TPO: variants seen among roughly 807,000 people sequenced by gnomAD.
TPO encodes the protein thyroid peroxidase.
Under a neutral mutation model 96.9 loss-of-function variants are expected in TPO, and 78 were observed. The ratio of observed to expected loss-of-function variants is 0.81; its 90% CI spans 0.67 to 0.97. TPO has a LOEUF of 0.97. Among genes scored for constraint, TPO ranks in the 50% least tolerant of loss-of-function variants. The probability of loss-of-function intolerance (pLI) is 0.00; values close to 1 mark genes in which losing one functional copy is unlikely to be tolerated. For missense variants in TPO, 1,252 were observed against 1,274.8 expected (o/e 0.98, Z 0.27); for synonymous variants, 547 against 538.0 (o/e 1.02, Z -0.23).
chr2:1,404,536 T>A (rs1477145568), intron 1 of TPO, among the ~76,000 whole-genome samples: 5 of 152,182 alleles, frequency 3.3e-5, no homozygotes, highest in Non-Finnish European at 5.9e-5. Flanking sequence ...ATACAACTGG[T>A]GTCTTTAATA....
chr2:1,457,791 G>C (rs1280751896), intron 7 of TPO, among the ~76,000 whole-genome samples: 1 of 152,114 alleles, frequency 6.6e-6, no homozygotes, highest in African/African-American at 2.4e-5. Flanking sequence ...GTGGGCTCGT[G>C]TGTATATAGC....
rs1182296880 is a variant in TPO at position 1,540,734 on chromosome 2, C to A, written c.2748+11C>A. ...CAGGACTCGGAGCAGGTGGGCCACA[C>A]CATGCCGCATGTTTCCAGCTGCCAC... is the stretch of plus-strand genomic sequence containing the variant. On this transcript the variant is annotated intron_variant, in intron 16 of 16. Coordinates refer to ENST00000329066, the MANE Select transcript of TPO (RefSeq NM_001206744.2). 1 of 1,613,154 alleles carries A rather than the reference C, an allele frequency of 6.2e-7. No individual in the cohort carries two copies. The highest frequency in any genetic ancestry group is 8.5e-7 in the Non-Finnish European group (1 of 1,180,024).
At chr2:1,455,938 T>C (rs1667744659) in intron 6 of TPO, 138 bp from the exon 7 acceptor site, 2 of 839,746 alleles carry the variant, frequency 2.4e-6, no homozygotes, top group South Asian at 2.9e-5. Context: ...CTGCCCTAAC[T>C]CCAGGGCACA....
chr2:1,477,578 C>G lies in TPO; in HGVS notation c.1312C>G (p.Arg438Gly). The G allele has an allele frequency of 6.5e-7, 1 of 1,537,056 alleles. No homozygotes were observed. The highest frequency in any genetic ancestry group is 8.7e-7 in the Non-Finnish European group (1 of 1,147,704). ...CGCGGACGCCGTGTACCAGGAGGCG[C>G]GCAAGGTCGTGGGCGCTCTGCACCA... ...WSADAVYQEA[R>G]KVVGALHQII... The change falls in exon 8 of 17, where the codon CGC becomes GGC. Residue 438 changes from arginine (R) to glycine (G), a missense_variant. By Grantham distance (125) the Arg-to-Gly change is moderately radical. Coordinates refer to ENST00000329066, the MANE Select transcript of TPO (RefSeq NM_001206744.2).
chr2:1,474,035 G>A (rs1472902681), intron 7 of TPO, among the ~76,000 whole-genome samples: 14 of 152,042 alleles, frequency 9.2e-5, no homozygotes, highest in Non-Finnish European at 1.9e-4. Context: ...GTCTAACTGA[G>A]ATAGTACTAA....
intron 8 of TPO, chr2:1,478,386 C>G (rs1670191428): frequency 1.0e-6 from 1 of 985,194 alleles, no homozygotes; most frequent in East Asian, 1.2e-4. Flanking sequence ...GTCTGCAGTC[C>G]TAGCCGGGAG....
At chr2:1,474,693 A>C (rs1032345801) in intron 7 of TPO, among the ~76,000 whole-genome samples, 1 of 152,006 alleles carries the variant, frequency 6.6e-6, no homozygotes, top group African/African-American at 2.4e-5. Flanking sequence ...TCTGTTCTTC[A>C]TTTTCCAATG....
chr2:1,512,143 C>G (rs891732791), intron 14 of TPO, among the ~76,000 whole-genome samples: 1 of 152,162 alleles, frequency 6.6e-6, no homozygotes, highest in Non-Finnish European at 1.5e-5. Flanking sequence ...ACGCCATTCT[C>G]CTGCCTCAGC....
intron 2 of TPO, among the ~76,000 whole-genome samples, chr2:1,419,251 A>G (rs1663258042): frequency 6.6e-6 from 1 of 152,100 alleles, no homozygotes; most frequent in African/African-American, 2.4e-5. Flanking sequence ...CCTAGAACTC[A>G]GTGTTCAGTT....
Position 1,542,425 on chromosome 2 carries a change from G to A in TPO, c.2753G>A (p.Ser918Asn). Residue 918 changes from serine to asparagine, a missense_variant, in exon 17 of 17, where the codon AGT becomes AAT. Ser to Asn is a conservative substitution (Grantham distance 46). Coordinates refer to ENST00000329066, the MANE Select transcript of TPO (RefSeq NM_001206744.2). ...RAAAQDSEQE[S>N]AGMEGRDTHR... Reference sequence around the variant, plus strand: ...GTTTGTTCTGCATTTTTGCAGGAGAGTGCTGGGATGGAAGGCCGGGATACT... The same window carrying A: ...GTTTGTTCTGCATTTTTGCAGGAGAATGCTGGGATGGAAGGCCGGGATACT... 1 of 1,614,222 alleles carries A rather than the reference G, an allele frequency of 6.2e-7. No individual in the cohort carries two copies. Among genetic ancestry groups the A allele is most frequent in the Non-Finnish European group, 8.5e-7 (1 of 1,180,050 alleles).
At chr2:1,404,189 G>C (rs964592037) in intron 1 of TPO, among the ~76,000 whole-genome samples, 1 of 152,178 alleles carries the variant, frequency 6.6e-6, no homozygotes, top group Admixed American at 6.5e-5. Context: ...GAATGCACAT[G>C]TACAGACCTT....
chr2:1,514,942 C>CT (rs1379682048), intron 14 of TPO, among the ~76,000 whole-genome samples: 1 of 152,164 alleles, frequency 6.6e-6, no homozygotes, highest in East Asian at 1.9e-4. Context: ...CGCCACGGCC[C>CT]AGGACGTGGC....
intron 7 of TPO, among the ~76,000 whole-genome samples, chr2:1,465,512 T>C (rs1205632235): frequency 1.3e-5 from 2 of 152,222 alleles, no homozygotes; most frequent in Non-Finnish European, 2.9e-5. Context: ...TTCACAATAT[T>C]GACTCTACCC....
intron 7 of TPO, among the ~76,000 whole-genome samples, chr2:1,458,332 G>A (rs867125056): frequency 6.4e-4 from 97 of 151,956 alleles, no homozygotes; most frequent in Admixed American, 1.8e-3. Context: ...GATAATATGC[G>A]GACATGTGTG....
chr2:1,480,694 T>TGTCCACACCACCTCCCTCCTCCTTCATCC (rs1670481288), intron 8 of TPO, among the ~76,000 whole-genome samples: 6 of 76,092 alleles, frequency 7.9e-5, no homozygotes, highest in Non-Finnish European at 1.6e-4. Context: ...CTCCTCCATC[T>TGTCCACACCACCTCCCTCCTCCTTCATCC]GTCCACACCA....
At chr2:1,434,653 C>T (rs902796253) in intron 4 of TPO, among the ~76,000 whole-genome samples, 43 of 152,162 alleles carry the variant, frequency 2.8e-4, no homozygotes, top group African/African-American at 1.0e-3. Context: ...GAGCCACATG[C>T]TCACTGCCGG....
At chr2:1,541,254 ACAGGCACAAAGTCT>A (rs1397170249) in intron 16 of TPO, 25 of 1,057,972 alleles carry the variant, frequency 2.4e-5, no homozygotes, top group Non-Finnish European at 1.6e-5. Flanking sequence ...GGTGCTGGTC[ACAGGCACAAAGTCT>A]CAGGCAGGAG....
In TPO at chr2:1,484,791, C is replaced by T; in HGVS notation, c.1534C>T (p.Pro512Ser). 2 of 1,614,060 alleles carry T rather than the reference C, an allele frequency of 1.2e-6. No homozygotes were observed. The highest frequency in any genetic ancestry group is 8.5e-7 in the Non-Finnish European group (1 of 1,180,038). The change falls in exon 9 of 17, where the codon CCC becomes TCC. Residue 512 changes from proline to serine, a missense_variant. By Grantham distance (74) the Pro-to-Ser change is moderately conservative. Coordinates refer to ENST00000329066, the MANE Select transcript of TPO (RefSeq NM_001206744.2). Reference sequence around the variant, plus strand: ...GCTGGACGCCAGCTTCCAGGAGCACCCCGACCTGCCCGGGCTGTGGCTGCA... The same window carrying T: ...GCTGGACGCCAGCTTCCAGGAGCACTCCGACCTGCCCGGGCTGTGGCTGCA... ...RRLDASFQEH[P>S]DLPGLWLHQA...
intron 5 of TPO, among the ~76,000 whole-genome samples, chr2:1,436,738 C>T (rs931105808): frequency 6.6e-6 from 1 of 152,228 alleles, no homozygotes; most frequent in African/African-American, 2.4e-5. Flanking sequence ...TTCCAATGCA[C>T]CCCCAAGACT....
Sources: allele counts gnomAD v4.1 joint callset (sites outside exome capture counted in the v4.1 genomes callset), GRCh38; gene constraint gnomAD v4.1.1; transcripts MANE v1.5; gene names NCBI Gene and HGNC (gene_info 2026-07-23, HGNC 2026-07-21).